MRTFB: variants seen among roughly 807,000 people sequenced by gnomAD.
The protein encoded by MRTFB is myocardin related transcription factor B, also known as myocardin-related transcription factor B.
A neutral mutation model predicts 104.2 loss-of-function variants in MRTFB; 29 were observed. The ratio of observed to expected loss-of-function variants is 0.28; its 90% CI spans 0.21 to 0.38. The LOEUF is 0.38. MRTFB is among the 10% of genes least tolerant of loss of function. The pLI is 1.00. For missense variants in MRTFB, 1,270 were observed against 1,341.6 expected, an observed-to-expected ratio of 0.95 and a Z score of 0.83; for synonymous variants, 535 against 519.5, an observed-to-expected ratio of 1.03 and a Z score of -0.41.
intron 12 of MRTFB, 99 bp from the exon 13 acceptor site, chr16:14,248,827 G>C (rs1458041163): frequency 7.7e-7 from 1 of 1,292,354 alleles, no homozygotes; most frequent in Non-Finnish European, 1.1e-6. Context: ...ATTTCATTTA[G>C]ATACAATCCC....
chr16:14,127,927 ATATTTTTTT>A (rs1395741166), intron 2 of MRTFB, among the ~76,000 whole-genome samples: 10 of 38,792 alleles, frequency 2.6e-4, no homozygotes, highest in Admixed American at 2.0e-3. Flanking sequence ...ATATATATAT[ATATTTTTTT>A]TTTTTTTTTT....
At chr16:14,153,199 T>C (rs1280808237) in intron 3 of MRTFB, 2 of 152,208 alleles carry the variant, frequency 1.3e-5, no homozygotes, top group African/African-American at 4.8e-5. Context: ...TCTTAATTGA[T>C]GTTTAAAATA....
At chr16:14,049,137 C>G in the MRTFB span, among the ~76,000 whole-genome samples, 1 of 152,240 alleles carries the variant, frequency 6.6e-6, no homozygotes, top group African/African-American at 2.4e-5. Flanking sequence ...TGCTAAACAC[C>G]CTACAGCTCA....
chr16:14,051,927 TC>T, the MRTFB span, among the ~76,000 whole-genome samples: 1 of 152,296 alleles, frequency 6.6e-6, no homozygotes, highest in South Asian at 2.1e-4. Context: ...TCCCTGGACT[TC>T]CCTTTACATG....
chr16:14,207,734 G>T (rs994040948), intron 3 of MRTFB, among the ~76,000 whole-genome samples: 1 of 152,154 alleles, frequency 6.6e-6, no homozygotes, highest in African/African-American at 2.4e-5. Context: ...TCTTCCATTT[G>T]GCTATCCCTG....
At chr16:14,211,808 T>C (rs2041200671) in intron 4 of MRTFB, among the ~76,000 whole-genome samples, 1 of 152,236 alleles carries the variant, frequency 6.6e-6, no homozygotes, top group Admixed American at 6.5e-5. Context: ...CATCTGGTTG[T>C]ATGGCCTCAA....
At chr16:14,033,919 G>A in the MRTFB span, among the ~76,000 whole-genome samples, 2 of 151,856 alleles carry the variant, frequency 1.3e-5, no homozygotes, top group Non-Finnish European at 2.9e-5. Context: ...TTCAAAATAA[G>A]GAAATCCACC....
At chr16:14,026,744 T>C in the MRTFB span, among the ~76,000 whole-genome samples, 98 of 152,244 alleles carry the variant, frequency 6.4e-4, 2 homozygotes, top group East Asian at 4.2e-3. Flanking sequence ...GCAAAAGGCA[T>C]GAACAGACAT....
intron 2 of MRTFB, among the ~76,000 whole-genome samples, chr16:14,094,880 A>G (rs1164686047): frequency 6.6e-6 from 1 of 152,170 alleles, no homozygotes; most frequent in Non-Finnish European, 1.5e-5. Flanking sequence ...ACAAAGGATA[A>G]ATTACCCATC....
intron 2 of MRTFB, among the ~76,000 whole-genome samples, chr16:14,117,391 A>C (rs1596920676): frequency 6.6e-6 from 1 of 152,216 alleles, no homozygotes; most frequent in African/African-American, 2.4e-5. Flanking sequence ...CCTCCTATCC[A>C]GTCTTGATCA....
the MRTFB span, among the ~76,000 whole-genome samples, chr16:14,035,961 A>G: frequency 6.6e-6 from 1 of 151,154 alleles, no homozygotes; most frequent in Non-Finnish European, 1.5e-5. Context: ...CCCACTTATG[A>G]GTGAGAACAT....
At chr16:14,176,093 T>G (rs2039573809) in intron 3 of MRTFB, among the ~76,000 whole-genome samples, 1 of 152,220 alleles carries the variant, frequency 6.6e-6, no homozygotes, top group Non-Finnish European at 1.5e-5. Context: ...ATCTTTAAAT[T>G]ATATCTCAGC....
chr16:14,032,156 T>G, the MRTFB span, among the ~76,000 whole-genome samples: 11 of 152,170 alleles, frequency 7.2e-5, no homozygotes, highest in African/African-American at 2.4e-4. Flanking sequence ...AGCGTCAGGA[T>G]GGGGGCTGGC....
intron 2 of MRTFB, among the ~76,000 whole-genome samples, chr16:14,084,413 A>G (rs9941083): frequency 0.23 from 35,542 of 152,076 alleles, 7,776 homozygotes; most frequent in African/African-American, 0.57. Context: ...GGTGGCTCAC[A>G]CCTGTAGTCC....
intron 2 of MRTFB, among the ~76,000 whole-genome samples, chr16:14,131,788 A>AG (rs1005026152): frequency 8.5e-5 from 13 of 152,082 alleles, no homozygotes; most frequent in Admixed American, 3.9e-4. Context: ...TAAAAAAAAA[A>AG]AGAGAGAATG....
chr16:14,198,864 A>G (rs1259492274), intron 3 of MRTFB, among the ~76,000 whole-genome samples: 1 of 152,166 alleles, frequency 6.6e-6, no homozygotes, highest in Non-Finnish European at 1.5e-5. Flanking sequence ...TCCCCTTCCT[A>G]CTGCCTTCAA....
rs1191501171 is a variant in MRTFB at position 14,265,795 on chromosome 16, A to G, written c.*4351A>G. 6.6e-6 allele frequency: 1 copy of G among 152,238 alleles called. No individual in the cohort carries two copies. Among genetic ancestry groups the G allele is most frequent in the African/African-American group, 2.4e-5 (1 of 41,470 alleles). 9.4% of individuals were successfully genotyped at this position (152,238 alleles called of 1,614,324 possible). A position where few individuals can be genotyped will look rare whatever the true frequency, so the allele number is the denominator to read the frequency against. On this transcript the variant is annotated 3_prime_UTR_variant, in exon 17 of 17. Coordinates refer to ENST00000571589, the MANE Select transcript of MRTFB (RefSeq NM_001308142.2). ...TCTGTGGTGTCACAGCTTTGTGACA[A>G]TAAGATGGCAATCTCGGATCTACAA...
chr16:14,067,977 G>A (rs565626047), upstream of MRTFB, among the ~76,000 whole-genome samples: 72 of 151,974 alleles, frequency 4.7e-4, no homozygotes, highest in African/African-American at 1.5e-3. Flanking sequence ...GACTACAGCC[G>A]CCCGCCACCA....
intron 16 of MRTFB, among the ~76,000 whole-genome samples, chr16:14,260,623 T>C (rs984423214): frequency 6.6e-6 from 1 of 152,230 alleles, no homozygotes; most frequent in Non-Finnish European, 1.5e-5. Context: ...GAGAAGAATT[T>C]AAAGCATATC....
Sources: gnomAD v4.1 joint callset for allele counts (sites outside exome capture counted in the v4.1 genomes callset) on GRCh38, gnomAD v4.1.1 for gene constraint, MANE v1.5 for transcripts, NCBI Gene and HGNC (gene_info 2026-07-23, HGNC 2026-07-21) for gene names.